The following IQGAP2 variants were observed in gnomAD, a reference collection of about 807,000 sequenced individuals.
IQGAP2 encodes IQ motif containing GTPase activating protein 2, also known as ras GTPase-activating-like protein IQGAP2.
A neutral mutation model predicts 201.3 loss-of-function variants in IQGAP2; 173 were observed. The ratio of observed to expected loss-of-function variants is 0.86; its 90% CI spans 0.76 to 0.98. The LOEUF (loss-of-function observed/expected upper bound fraction) is 0.98, where lower values mean the gene tolerates loss of function less well. Ranked by LOEUF, IQGAP2 falls within the 50% of genes least tolerant of loss-of-function variation. IQGAP2 has a pLI of 0.00. For synonymous variants in IQGAP2, 675 were observed against 673.9 expected (o/e 1.00, Z -0.03); for missense variants, 1,687 against 1,864.8 (o/e 0.90, Z 1.76).
At chr5:76,412,756 TA>T (rs1214537922) in intron 1 of IQGAP2, among the ~76,000 whole-genome samples, 2 of 152,216 alleles carry the variant, frequency 1.3e-5, no homozygotes, top group African/African-American at 2.4e-5. Context: ...TCTGTCTAAT[TA>T]AAGATCATCT....
At chr5:76,659,715 A>G (rs1260320511) in intron 21 of IQGAP2, among the ~76,000 whole-genome samples, 1 of 152,134 alleles carries the variant, frequency 6.6e-6, no homozygotes, top group Non-Finnish European at 1.5e-5. Context: ...CCATCCCACA[A>G]ATTGCCAGAT....
chr5:76,421,413 A>T (rs940265349), intron 1 of IQGAP2, among the ~76,000 whole-genome samples: 1 of 152,090 alleles, frequency 6.6e-6, no homozygotes, highest in Admixed American at 6.6e-5. Context: ...CAGGAGTTGG[A>T]GATCAGCCTG....
At chr5:76,528,277 G>A (rs1759082621) in intron 2 of IQGAP2, among the ~76,000 whole-genome samples, 2 of 152,058 alleles carry the variant, frequency 1.3e-5, no homozygotes, top group Admixed American at 1.3e-4. Context: ...GGTATATTTG[G>A]TTTACTATTG....
At chr5:76,623,364 G>A (rs144998296) in intron 13 of IQGAP2, 104 of 1,000,306 alleles carry the variant, frequency 1.0e-4, no homozygotes, top group Middle Eastern at 8.2e-4. Context: ...CTCCTGTGCC[G>A]TGCAGGCAGG....
chr5:76,698,276 A>G (rs1746941270), intron 33 of IQGAP2, 129 bp downstream of exon 33: 1 of 596,012 alleles, frequency 1.7e-6, no homozygotes, highest in Non-Finnish European at 2.8e-6. Context: ...CGAAAACTAG[A>G]GTCTCAGTTT....
At chr5:76,571,385 C>T (rs10474482) in intron 4 of IQGAP2, among the ~76,000 whole-genome samples, 87,130 of 151,848 alleles carry the variant, frequency 0.57, 26,319 homozygotes, top group African/African-American at 0.75. Context: ...GGTTTTGCCT[C>T]GTCGGCCAGG....
At chr5:76,456,983 T>A (rs1247032668) in intron 1 of IQGAP2, among the ~76,000 whole-genome samples, 1 of 152,112 alleles carries the variant, frequency 6.6e-6, no homozygotes, top group Non-Finnish European at 1.5e-5. Context: ...GTGGACATAT[T>A]TTTTTCTTTC....
intron 5 of IQGAP2, among the ~76,000 whole-genome samples, chr5:76,587,721 G>A (rs979210146): frequency 1.3e-5 from 2 of 151,928 alleles, no homozygotes; most frequent in African/African-American, 2.4e-5. Context: ...GGGTGGCAGA[G>A]GTGGGTGGTC....
intron 1 of IQGAP2, among the ~76,000 whole-genome samples, chr5:76,438,603 C>T (rs112042956): frequency 0.025 from 3,864 of 152,012 alleles, 62 homozygotes; most frequent in Middle Eastern, 0.054. Context: ...CCACCATACC[C>T]GGCTAATTTT....
chr5:76,674,152 G>T (rs1744599538), intron 26 of IQGAP2, 116 bp downstream of exon 26: 2 of 665,638 alleles, frequency 3.0e-6, no homozygotes, highest in Admixed American at 5.4e-5. Context: ...TAAGCTGCAG[G>T]TCTTCTGTTT....
intron 24 of IQGAP2, 81 bp from the exon 25 acceptor site, chr5:76,673,368 C>T (rs1744520624): frequency 4.8e-6 from 7 of 1,465,236 alleles, no homozygotes; most frequent in Non-Finnish European, 6.5e-6. Flanking sequence ...CTATACAAAG[C>T]TTGACTATAG....
At chr5:76,528,911 C>A (rs1305584687) in intron 2 of IQGAP2, among the ~76,000 whole-genome samples, 1 of 152,116 alleles carries the variant, frequency 6.6e-6, no homozygotes, top group Non-Finnish European at 1.5e-5. Flanking sequence ...GTTCTAAACA[C>A]CAGATTTTGT....
chr5:76,566,113 A>G (rs1035336804), intron 3 of IQGAP2, among the ~76,000 whole-genome samples: 3 of 152,162 alleles, frequency 2.0e-5, no homozygotes, highest in African/African-American at 2.4e-5. Flanking sequence ...TGCAACACTT[A>G]TGAAGACCCA....
At chr5:76,599,893 A>G (rs931602881) in intron 10 of IQGAP2, among the ~76,000 whole-genome samples, 2 of 152,212 alleles carry the variant, frequency 1.3e-5, no homozygotes, top group Admixed American at 1.3e-4. Flanking sequence ...ATAATATAAA[A>G]TGGTTAAATG....
rs1746647068 is a variant in IQGAP2 at position 76,695,545 on chromosome 5, A to G, written c.4085A>G (p.Asp1362Gly). 3 of 1,614,060 alleles carry G rather than the reference A, an allele frequency of 1.9e-6. No individual in the cohort carries two copies. The highest frequency in any genetic ancestry group is 2.5e-6 in the Non-Finnish European group (3 of 1,180,014). Reference protein sequence around the residue: ...EMKHSQSMIEDAQLPLEQKKR... With the variant: ...EMKHSQSMIEGAQLPLEQKKR... ...AAGCATAGCCAATCTATGATTGAAG[A>G]TGCACAGCTGCCTCTTGAGCAGAAG... is the stretch of plus-strand genomic sequence containing the variant. The change falls in exon 32 of 36, where the codon GAT (aspartate) becomes GGT (glycine). Residue 1362 changes from aspartate (D) to glycine (G), a missense_variant. Physicochemically the swap from Asp to Gly is moderately conservative, Grantham distance 94 (BLOSUM62 -1). Coordinates refer to ENST00000274364, the MANE Select transcript of IQGAP2 (RefSeq NM_006633.5).
chr5:76,656,895 TTA>T (rs1742787373), intron 20 of IQGAP2, among the ~76,000 whole-genome samples: 1 of 87,972 alleles, frequency 1.1e-5, no homozygotes, highest in African/African-American at 4.3e-5. Context: ...ATTTTCTAAT[TTA>T]AAAAAAAAAA....
At chr5:76,628,634 G>C (rs1750447161) in intron 14 of IQGAP2, 1 of 444,860 alleles carries the variant, frequency 2.2e-6, no homozygotes, top group East Asian at 7.0e-5. Context: ...AATCTATTCT[G>C]TTGTATCAGG....
intron 2 of IQGAP2, among the ~76,000 whole-genome samples, chr5:76,561,038 A>G (rs377545304): frequency 5.3e-4 from 80 of 152,352 alleles, no homozygotes; most frequent in African/African-American, 1.9e-3. Flanking sequence ...TCTGTCTCAA[A>G]ATATCTTATT....
intron 1 of IQGAP2, among the ~76,000 whole-genome samples, chr5:76,421,360 T>TC (rs1751720238): frequency 6.6e-6 from 1 of 151,814 alleles, no homozygotes; most frequent in Non-Finnish European, 1.5e-5. Context: ...ATGCCTGTAA[T>TC]CCCCGCACTT....
Sources: gnomAD v4.1 joint callset for allele counts (sites outside exome capture counted in the v4.1 genomes callset) on GRCh38, gnomAD v4.1.1 for gene constraint, MANE v1.5 for transcripts, NCBI Gene and HGNC (gene_info 2026-07-23, HGNC 2026-07-21) for gene names.